CEP20: variants seen among roughly 807,000 people sequenced by gnomAD.
CEP20 encodes FGFR1OP N-terminal like.
In CEP20, 18 loss-of-function variants were observed where a neutral mutation model predicts 20.0. The ratio of observed to expected loss-of-function variants is 0.90; its 90% CI spans 0.62 to 1.34. The LOEUF is 1.34. CEP20 is among the 40% of genes most tolerant of loss of function. The pLI is 0.00. For missense variants in CEP20, 215 were observed against 201.6 expected (o/e 1.07, Z -0.40); for synonymous variants, 77 against 73.7 (o/e 1.04, Z -0.23).
rs1283953279 is a variant in CEP20, at chr16:15,866,457, G to A, written c.*983C>T. 1 of 152,208 alleles carries A rather than the reference G, an allele frequency of 6.6e-6. No homozygotes were observed. The allele number at this position is 152,208 out of a possible 1,614,324, so 9.4% of individuals were successfully genotyped here. On this transcript the variant is annotated 3_prime_UTR_variant, in exon 5 of 5. Coordinates refer to ENST00000255759, the MANE Select transcript of CEP20 (RefSeq NM_144600.4). ...CATAGTCAGTTGTTTTCAATGAAAT[G>A]AGCCTGTGGACACTACATTAAAAAT... is the stretch of plus-strand genomic sequence containing the variant.
At chr16:15,881,453 T>C (rs2045095426) in intron 2 of CEP20, among the ~76,000 whole-genome samples, 1 of 152,192 alleles carries the variant, frequency 6.6e-6, no homozygotes, top group South Asian at 2.1e-4. Context: ...CTTTATGTAG[T>C]TCAGACGTAT....
Position 15,888,549 on chromosome 16 carries a change from C to A in CEP20, c.28+9G>T. 1 of 1,614,172 alleles carries A rather than the reference C, an allele frequency of 6.2e-7. No homozygotes were observed. Among genetic ancestry groups the A allele is most frequent in the African/African-American group, 1.3e-5 (1 of 75,062 alleles). ...CTTCCCATGTGGAGGCCTCCCTGCT[C>A]GCACTCACCAGCCTTCAACTCTGCC... On this transcript the variant is annotated intron_variant, in intron 1 of 4. Transcript: ENST00000255759.
chr16:15,883,230 G>A (rs1292856190), intron 2 of CEP20, among the ~76,000 whole-genome samples: 1 of 152,048 alleles, frequency 6.6e-6, no homozygotes, highest in Non-Finnish European at 1.5e-5. Context: ...GGGCATGGAG[G>A]CATGCACCTG....
intron 4 of CEP20, among the ~76,000 whole-genome samples, chr16:15,869,880 G>A (rs1425691335): frequency 2.6e-5 from 4 of 152,134 alleles, no homozygotes; most frequent in Non-Finnish European, 5.9e-5. Flanking sequence ...TAAAATTTTT[G>A]ATGACCAAGA....
chr16:15,872,522 C>T (rs1293846247), intron 4 of CEP20, among the ~76,000 whole-genome samples: 1 of 151,986 alleles, frequency 6.6e-6, no homozygotes. Flanking sequence ...GCCTAGTGAA[C>T]ACGGTTGAGA....
At chr16:15,887,597 A>C (rs2045275151) in intron 1 of CEP20, among the ~76,000 whole-genome samples, 1 of 152,176 alleles carries the variant, frequency 6.6e-6, no homozygotes. Flanking sequence ...GGGTTGTTAC[A>C]ATCAGGTAAC....
At position 15,871,264 on chromosome 16, in the gene CEP20, A is replaced by G. The variant is rs368515368; in HGVS notation, c.448+2227T>C. Among the ~76,000 whole-genome samples the G allele has an allele frequency of 1.2e-4, 18 of 151,492 alleles. No homozygotes were observed. In the South Asian group the frequency reaches 3.7e-3, roughly 31 times the overall value. ...GAGTGACAGTCCATCTAAAATTTAA[A>G]TAATAATAATAAAATAAAATAAAAT... On this transcript the variant is annotated intron_variant, in intron 4 of 4. Transcript: ENST00000255759.
At chr16:15,884,539 T>C (rs2045194567) in intron 1 of CEP20, among the ~76,000 whole-genome samples, 1 of 152,196 alleles carries the variant, frequency 6.6e-6, no homozygotes, top group Admixed American at 6.5e-5. Flanking sequence ...TCTCGCTCTT[T>C]CACCCAGGCT....
At position 15,884,162 on chromosome 16, in the gene CEP20, T is replaced by C. The variant is rs1426345980; in HGVS notation, c.72A>G (p.Leu24=). ...AAACTTCAGCTCGGATCCTTGCTTT[T>C]AAATGCCCTAATACCCCCTTTTTTT... ...TLEKKGVLGH[L]KARIRAEVFN... is the part of the protein sequence containing the mutation. Residue 24 remains leucine (L), a synonymous_variant, in exon 2 of 5, where the codon TTA becomes TTG. Transcript: ENST00000255759. The C allele has an allele frequency of 1.9e-6, 3 of 1,614,058 alleles. No homozygotes were observed. Among genetic ancestry groups the C allele is most frequent in the Non-Finnish European group, 2.5e-6 (3 of 1,179,926 alleles).
At chr16:15,872,780 A>T (rs2044852524) in intron 4 of CEP20, among the ~76,000 whole-genome samples, 1 of 132,658 alleles carries the variant, frequency 7.5e-6, no homozygotes, top group Non-Finnish European at 1.6e-5. Context: ...TCTCAAAAAA[A>T]TACATAAAAA....
chr16:15,873,372 T>G, intron 4 of CEP20, 119 bp downstream of exon 4: 1 of 1,216,884 alleles, frequency 8.2e-7, no homozygotes, highest in Middle Eastern at 2.1e-4. Context: ...GCTAGACATA[T>G]TAGATATAAG....
Position 15,866,905 on chromosome 16 carries a change from C to T in CEP20, c.*535G>A, listed in dbSNP as rs754011057. ...TTCATTTCCTTACAAACTTTAAGGG[C>T]CTTTATAATACTTCCTAAATGGCTG... On this transcript the variant is annotated 3_prime_UTR_variant, in exon 5 of 5. Coordinates refer to ENST00000255759, the MANE Select transcript of CEP20 (RefSeq NM_144600.4). The T allele has an allele frequency of 6.6e-6, 1 of 152,354 alleles. No individual in the cohort carries two copies. The highest frequency in any genetic ancestry group is 1.5e-5 in the Non-Finnish European group (1 of 68,194). 9.4% of individuals were successfully genotyped at this position (152,354 alleles called of 1,614,324 possible). A position where few individuals can be genotyped will look rare whatever the true frequency, so the allele number is the denominator to read the frequency against.
At chr16:15,869,706 A>C (rs2044767405) in intron 4 of CEP20, among the ~76,000 whole-genome samples, 1 of 152,112 alleles carries the variant, frequency 6.6e-6, no homozygotes, top group Non-Finnish European at 1.5e-5. Context: ...GATGTAGAAT[A>C]AGGATTTTAG....
At chr16:15,888,061 G>C (rs1436450215) in intron 1 of CEP20, among the ~76,000 whole-genome samples, 3 of 145,374 alleles carry the variant, frequency 2.1e-5, no homozygotes, top group South Asian at 2.2e-4. Flanking sequence ...CTGGGCGACA[G>C]AGAGACCCTC....
At chr16:15,885,494 G>A (rs1221036337) in intron 1 of CEP20, among the ~76,000 whole-genome samples, 2 of 152,134 alleles carry the variant, frequency 1.3e-5, no homozygotes, top group East Asian at 1.9e-4. Context: ...CCTGGTTCAA[G>A]CAATTCTCCT....
chr16:15,883,840 C>A (rs989554551), intron 2 of CEP20, among the ~76,000 whole-genome samples, 168 bp downstream of exon 2: 2 of 152,074 alleles, frequency 1.3e-5, no homozygotes, highest in African/African-American at 4.8e-5. Context: ...TATGTATTTT[C>A]TCTTGTAAGA....
Position 15,865,994 on chromosome 16 carries a change from T to A in CEP20, c.*1446A>T, listed in dbSNP as rs915761471. On this transcript the variant is annotated 3_prime_UTR_variant, in exon 5 of 5. Transcript: ENST00000255759. ...ACCAAGTCCCCCGGGAGAATTCAGA[T>A]ATTTATATTCACACATACAATACAA... 7 of 152,334 alleles carry A rather than the reference T, an allele frequency of 4.6e-5. 1 individual carries two copies. Among genetic ancestry groups the A allele is most frequent in the Admixed American group, 4.6e-4 (7 of 15,286 alleles). The allele number at this position is 152,334 out of a possible 1,614,324, so 9.4% of individuals were successfully genotyped here.
chr16:15,871,870 C>T (rs2044827459), intron 4 of CEP20, among the ~76,000 whole-genome samples: 1 of 152,214 alleles, frequency 6.6e-6, no homozygotes, highest in South Asian at 2.1e-4. Flanking sequence ...AACACGGTCA[C>T]TACTGGTCAT....
Position 15,884,223 on chromosome 16 carries a change from T to C in CEP20, c.29-18A>G, listed in dbSNP as rs2045185903. On this transcript the variant is annotated intron_variant, in intron 1 of 4. Coordinates refer to ENST00000255759, the MANE Select transcript of CEP20 (RefSeq NM_144600.4). ...CTTTAAAACTGTTCGATATAAAATA[T>C]TAAGGCTTCAGTTACAGAGTAAATT... is the stretch of plus-strand genomic sequence containing the variant. The C allele has an allele frequency of 6.3e-7, 1 of 1,582,208 alleles. No individual in the cohort carries two copies. The highest frequency in any genetic ancestry group is 1.4e-5 in the African/African-American group (1 of 73,840).
Sources: gnomAD v4.1 joint callset for allele counts (sites outside exome capture counted in the v4.1 genomes callset) on GRCh38, gnomAD v4.1.1 for gene constraint, MANE v1.5 for transcripts, NCBI Gene and HGNC (gene_info 2026-07-23, HGNC 2026-07-21) for gene names.